The following FTO variants were observed in gnomAD, a reference collection of about 807,000 sequenced individuals.
The protein encoded by FTO is FTO alpha-ketoglutarate dependent dioxygenase.
In FTO, 47 loss-of-function variants were observed where a neutral mutation model predicts 63.9. That is an observed-to-expected ratio of 0.74 (90% CI 0.58 to 0.94). The LOEUF is 0.94. Ranked by LOEUF, FTO falls within the 40% of genes least tolerant of loss-of-function variation. The pLI, the probability that FTO is intolerant of heterozygous loss-of-function variation, is 0.00. For missense variants in FTO, 562 were observed against 618.1 expected, an observed-to-expected ratio of 0.91 and a Z score of 0.96; for synonymous variants, 207 against 224.4, an observed-to-expected ratio of 0.92 and a Z score of 0.69.
intron 8 of FTO, among the ~76,000 whole-genome samples, chr16:54,042,880 A>T (rs1599262184): frequency 1.3e-5 from 1 of 79,950 alleles, no homozygotes; most frequent in Non-Finnish European, 2.1e-5. Context: ...ATTCCAACAG[A>T]CCTGCAGCTG....
intron 8 of FTO, among the ~76,000 whole-genome samples, chr16:54,084,099 A>C (rs539308782): frequency 1.6e-4 from 25 of 152,310 alleles, no homozygotes; most frequent in South Asian, 4.2e-4. Flanking sequence ...ATATTCCCAA[A>C]TCTGAAAAAG....
chr16:54,074,386 G>A (rs1481817123), intron 8 of FTO, among the ~76,000 whole-genome samples: 1 of 151,860 alleles, frequency 6.6e-6, no homozygotes, highest in African/African-American at 2.4e-5. Context: ...TACCACCTTG[G>A]GTACCACTAG....
chr16:53,919,515 A>C (rs1324491909), intron 7 of FTO, among the ~76,000 whole-genome samples: 2 of 152,154 alleles, frequency 1.3e-5, no homozygotes, highest in Non-Finnish European at 2.9e-5. Context: ...AAAAAAAGAT[A>C]CTTTCACATG....
At chr16:54,018,833 T>C (rs182784457) in intron 8 of FTO, among the ~76,000 whole-genome samples, 12 of 152,272 alleles carry the variant, frequency 7.9e-5, no homozygotes, top group Admixed American at 3.9e-4. Flanking sequence ...TCCTTTATAA[T>C]TTACCCAGTT....
chr16:54,097,077 A>G (rs979119644), intron 8 of FTO, among the ~76,000 whole-genome samples: 1 of 152,192 alleles, frequency 6.6e-6, no homozygotes, highest in Admixed American at 6.5e-5. Flanking sequence ...CACATGGGAT[A>G]ATGCATATGG....
chr16:53,834,515 A>G (rs1434853702), intron 3 of FTO, among the ~76,000 whole-genome samples: 1 of 152,182 alleles, frequency 6.6e-6, no homozygotes, highest in Non-Finnish European at 1.5e-5. Context: ...TCTCATCTGT[A>G]AAATAGTGAT....
chr16:53,843,320 C>T (rs1326853858), intron 3 of FTO, among the ~76,000 whole-genome samples: 1 of 152,170 alleles, frequency 6.6e-6, no homozygotes, highest in Non-Finnish European at 1.5e-5. Context: ...TTGTCCTCTA[C>T]AGAGAGTGTG....
intron 2 of FTO, among the ~76,000 whole-genome samples, chr16:53,816,113 C>T (rs2078680675): frequency 6.6e-6 from 1 of 152,172 alleles, no homozygotes; most frequent in South Asian, 2.1e-4. Flanking sequence ...GTACTCTCTT[C>T]CCTTTTCTGT....
In FTO at chr16:53,803,511, A is replaced by C. The variant is rs369782141; in HGVS notation, c.46-6629A>C. ...AGCAGTGGCTGTAAGTATTGGTTTT[A>C]AAAATTTATAAGTAGGATTGATTTT... is the stretch of plus-strand genomic sequence containing the variant. On this transcript the variant is annotated intron_variant, in intron 1 of 8. Coordinates refer to ENST00000471389, the MANE Select transcript of FTO (RefSeq NM_001080432.3). 1.1e-4 allele frequency among the ~76,000 whole-genome samples: 17 copies of C among 152,242 alleles called. No individual in the cohort carries two copies. The South Asian group carries it at 3.5e-3, about 31-fold the overall frequency.
intron 1 of FTO, among the ~76,000 whole-genome samples, chr16:53,753,478 T>C (rs988584518): frequency 3.3e-5 from 5 of 152,102 alleles, no homozygotes; most frequent in Non-Finnish European, 7.4e-5. Flanking sequence ...ATTGCTTGTC[T>C]TATAACACTA....
intron 8 of FTO, among the ~76,000 whole-genome samples, chr16:54,099,246 C>G (rs1389292205): frequency 6.6e-6 from 1 of 152,160 alleles, no homozygotes; most frequent in Non-Finnish European, 1.5e-5. Flanking sequence ...ATATGCCTTC[C>G]CTCCCAATGG....
chr16:53,770,526 C>T (rs1567971905), intron 1 of FTO, among the ~76,000 whole-genome samples: 2 of 152,156 alleles, frequency 1.3e-5, no homozygotes, highest in South Asian at 2.1e-4. Flanking sequence ...TCATGGCCTA[C>T]AGAGGTCTTA....
chr16:53,884,130 T>A (rs1567397425), intron 6 of FTO, among the ~76,000 whole-genome samples: 2 of 152,200 alleles, frequency 1.3e-5, no homozygotes. Context: ...TCTAGGATGG[T>A]TTCTAACTAA....
chr16:53,777,963 T>G (rs1437365336), intron 1 of FTO, among the ~76,000 whole-genome samples: 1 of 152,172 alleles, frequency 6.6e-6, no homozygotes, highest in African/African-American at 2.4e-5. Flanking sequence ...GTACTTTTGT[T>G]TGAGACAACC....
At chr16:53,992,994 A>G (rs1412654051) in intron 8 of FTO, 1 of 152,144 alleles carries the variant, frequency 6.6e-6, no homozygotes, top group African/African-American at 2.4e-5. Context: ...GTAAGATTTG[A>G]CCCGGCTTAG....
chr16:53,979,501 C>G, intron 8 of FTO: 1 of 397,570 alleles, frequency 2.5e-6, no homozygotes. Context: ...ATTTCTTTAT[C>G]ACTACTGTGA....
chr16:53,938,817 TG>T (rs977484348), intron 8 of FTO, among the ~76,000 whole-genome samples: 23 of 151,956 alleles, frequency 1.5e-4, no homozygotes, highest in African/African-American at 5.6e-4. Flanking sequence ...TGGCTGGGCA[TG>T]GTGGCTCACG....
chr16:53,857,367 TAGG>T (rs1202453997), intron 4 of FTO, among the ~76,000 whole-genome samples: 1 of 152,034 alleles, frequency 6.6e-6, no homozygotes, highest in Non-Finnish European at 1.5e-5. Flanking sequence ...TGAATTCACT[TAGG>T]ATAAGGGCTT....
intron 1 of FTO, among the ~76,000 whole-genome samples, chr16:53,755,776 A>G (rs1231880077): frequency 1.3e-5 from 2 of 152,140 alleles, no homozygotes; most frequent in African/African-American, 4.8e-5. Flanking sequence ...AAGCTGGTGT[A>G]TGCCCTTTGC....
Sources: allele counts gnomAD v4.1 joint callset (sites outside exome capture counted in the v4.1 genomes callset), GRCh38; gene constraint gnomAD v4.1.1; transcripts MANE v1.5; gene names NCBI Gene and HGNC (gene_info 2026-07-23, HGNC 2026-07-21).